Variants in LEKR1 observed in about 807,000 individuals in gnomAD.
LEKR1 encodes leucine, glutamate and lysine rich 1, also known as protein LEKR1.
In LEKR1, 59 loss-of-function variants were observed where a neutral mutation model predicts 72.4. The observed-to-expected ratio is 0.82, with a 90% CI of 0.66 to 1.01. LEKR1 has a LOEUF of 1.01. Among genes scored for constraint, LEKR1 ranks in the 50% least tolerant of loss-of-function variants. LEKR1 has a pLI of 0.00. For missense variants in LEKR1, 728 were observed against 759.2 expected, an observed-to-expected ratio of 0.96 and a Z score of 0.48; for synonymous variants, 257 against 263.2, an observed-to-expected ratio of 0.98 and a Z score of 0.23.
chr3:156,922,369 C>T (rs1724280420), intron 4 of LEKR1, among the ~76,000 whole-genome samples: 1 of 150,866 alleles, frequency 6.6e-6, no homozygotes, highest in Non-Finnish European at 1.5e-5. Context: ...AGCTTATAAT[C>T]TTCTGTCTTG....
At chr3:156,970,398 C>G (rs1245824312) in intron 6 of LEKR1, among the ~76,000 whole-genome samples, 1 of 152,154 alleles carries the variant, frequency 6.6e-6, no homozygotes, top group African/African-American at 2.4e-5. Context: ...ACATGAAGTC[C>G]TTGCCCATGC....
At chr3:156,953,247 TC>T (rs1438347288) in intron 6 of LEKR1, among the ~76,000 whole-genome samples, 2 of 151,344 alleles carry the variant, frequency 1.3e-5, no homozygotes, top group South Asian at 2.1e-4. Context: ...CATATATCAC[TC>T]CCCCCAACAC....
intron 3 of LEKR1, among the ~76,000 whole-genome samples, chr3:156,880,365 C>G (rs1576726325): frequency 6.6e-6 from 1 of 152,190 alleles, no homozygotes; most frequent in Non-Finnish European, 1.5e-5. Context: ...GAGAATACTA[C>G]AAACACCTCT....
intron 6 of LEKR1, among the ~76,000 whole-genome samples, chr3:156,952,107 G>A (rs1415626104): frequency 2.0e-5 from 3 of 151,416 alleles, no homozygotes; most frequent in Non-Finnish European, 4.4e-5. Flanking sequence ...AAAAAGTAGG[G>A]AATTGATGTG....
At chr3:156,876,011 A>AAAAG (rs1553791438) in intron 3 of LEKR1, among the ~76,000 whole-genome samples, 4 of 151,050 alleles carry the variant, frequency 2.6e-5, no homozygotes, top group African/African-American at 9.8e-5. Flanking sequence ...AAAAAAAAAA[A>AAAAG]AAAAAGAAAT....
In LEKR1 at chr3:157,030,910, C is replaced by T. The variant is rs148628621; in HGVS notation, c.1668+2508C>T. ...GTCAGCTGACTTCCCTCAGGGCAAG[C>T]GAGTGAGAATGAGAGAGAGAAGGTG... is the stretch of plus-strand genomic sequence containing the variant. On this transcript the variant is annotated intron_variant, in intron 12 of 12. Coordinates refer to ENST00000356539, the MANE Select transcript of LEKR1 (RefSeq NM_001004316.3). Among the ~76,000 whole-genome samples, 7 of 152,224 alleles carry T rather than the reference C, an allele frequency of 4.6e-5. No individual in the cohort carries two copies. The East Asian group carries it at 9.6e-4, about 21-fold the overall frequency.
intron 3 of LEKR1, among the ~76,000 whole-genome samples, chr3:156,889,907 G>A (rs1046899199): frequency 3.9e-5 from 6 of 152,164 alleles, no homozygotes; most frequent in East Asian, 1.9e-4. Flanking sequence ...ACTACATAAC[G>A]TATTAGTAGC....
chr3:156,989,147 C>T (rs554138391), intron 7 of LEKR1, among the ~76,000 whole-genome samples: 25 of 152,136 alleles, frequency 1.6e-4, no homozygotes, highest in African/African-American at 2.4e-4. Flanking sequence ...TACTGTTTTG[C>T]GAACTTTTTG....
intron 3 of LEKR1, among the ~76,000 whole-genome samples, chr3:156,874,249 G>A (rs771548780): frequency 2.0e-5 from 3 of 151,522 alleles, no homozygotes; most frequent in Non-Finnish European, 4.4e-5. Flanking sequence ...ATTGTAATTT[G>A]TATCTCAAAT....
intron 2 of LEKR1, among the ~76,000 whole-genome samples, chr3:156,836,757 A>G (rs1389673911): frequency 6.6e-6 from 1 of 152,230 alleles, no homozygotes; most frequent in Non-Finnish European, 1.5e-5. Context: ...AAGAAAATTC[A>G]AGACAGGAAA....
chr3:156,854,791 T>G (rs1560027523), intron 3 of LEKR1, among the ~76,000 whole-genome samples: 1 of 151,938 alleles, frequency 6.6e-6, no homozygotes, highest in Non-Finnish European at 1.5e-5. Context: ...TGGGCTCAAG[T>G]AATCTGCCTG....
At chr3:157,014,436 T>G (rs552287391) in intron 10 of LEKR1, among the ~76,000 whole-genome samples, 1 of 152,192 alleles carries the variant, frequency 6.6e-6, no homozygotes, top group African/African-American at 2.4e-5. Flanking sequence ...AATTTCAATT[T>G]TGAAGGGAGG....
chr3:156,996,736 G>T (rs1731600772), intron 9 of LEKR1, among the ~76,000 whole-genome samples: 1 of 152,130 alleles, frequency 6.6e-6, no homozygotes, highest in African/African-American at 2.4e-5. Context: ...TAGTAAAATA[G>T]CCATGGCTTA....
At chr3:156,883,018 G>C (rs58207863) in intron 3 of LEKR1, among the ~76,000 whole-genome samples, 44,852 of 151,104 alleles carry the variant, frequency 0.3, 9,492 homozygotes, top group African/African-American at 0.6. Flanking sequence ...GGGGGGAGGG[G>C]GGAGAGATAG....
chr3:156,926,154 T>C (rs1724698295), intron 4 of LEKR1, among the ~76,000 whole-genome samples: 1 of 152,066 alleles, frequency 6.6e-6, no homozygotes, highest in African/African-American at 2.4e-5. Flanking sequence ...AAGTTTTCAC[T>C]GATTTCACAA....
intron 7 of LEKR1, among the ~76,000 whole-genome samples, chr3:156,992,394 A>C (rs1355381943): frequency 6.6e-6 from 1 of 152,014 alleles, no homozygotes; most frequent in African/African-American, 2.4e-5. Context: ...ACCTTCACAT[A>C]GGTATTTTGG....
chr3:156,851,440 G>C (rs1280101297), intron 2 of LEKR1, among the ~76,000 whole-genome samples: 1 of 152,162 alleles, frequency 6.6e-6, no homozygotes, highest in Non-Finnish European at 1.5e-5. Context: ...CATTTGGGAT[G>C]TTAAAATAAA....
At chr3:156,908,882 T>G (rs575791493) in intron 3 of LEKR1, among the ~76,000 whole-genome samples, 1 of 152,324 alleles carries the variant, frequency 6.6e-6, no homozygotes, top group Non-Finnish European at 1.5e-5. Context: ...ATCTTGGTAC[T>G]TGATATGGTT....
chr3:156,867,145 G>A (rs1717402480), intron 3 of LEKR1, among the ~76,000 whole-genome samples: 1 of 152,024 alleles, frequency 6.6e-6, no homozygotes, highest in South Asian at 2.1e-4. Flanking sequence ...CTTGGCAAAT[G>A]GCCTTGCCAA....
Sources: allele counts gnomAD v4.1 joint callset (sites outside exome capture counted in the v4.1 genomes callset), GRCh38; gene constraint gnomAD v4.1.1; transcripts MANE v1.5; gene names NCBI Gene and HGNC (gene_info 2026-07-23, HGNC 2026-07-21).